MED27: variants seen among roughly 807,000 people sequenced by gnomAD.
MED27 encodes the protein mediator of RNA polymerase II transcription subunit 27.
In MED27, 30 loss-of-function variants were observed where a neutral mutation model predicts 38.2. The observed-to-expected ratio is 0.79, with a 90% CI of 0.59 to 1.07. The LOEUF (loss-of-function observed/expected upper bound fraction) is 1.07. Among genes scored for constraint, MED27 ranks in the 50% least tolerant of loss-of-function variants. The pLI is 0.00. For synonymous variants in MED27, 122 were observed against 153.5 expected (o/e 0.79, Z 1.52); for missense variants, 289 against 397.5 (o/e 0.73, Z 2.32).
At chr9:131,938,751 A>T (rs1178435201) in intron 4 of MED27, among the ~76,000 whole-genome samples, 1 of 150,290 alleles carries the variant, frequency 6.7e-6, no homozygotes, top group Non-Finnish European at 1.5e-5. Flanking sequence ...TTGCTCTGTC[A>T]CCCAGGCTGG....
intron 2 of MED27, among the ~76,000 whole-genome samples, chr9:132,030,933 C>T (rs1832945953): frequency 6.6e-6 from 1 of 152,238 alleles, no homozygotes; most frequent in South Asian, 2.1e-4. Flanking sequence ...GTAAGTGGAA[C>T]AGCACTACCT....
chr9:131,928,164 T>C (rs937494495), intron 4 of MED27, among the ~76,000 whole-genome samples: 4 of 152,202 alleles, frequency 2.6e-5, no homozygotes, highest in Non-Finnish European at 5.9e-5. Context: ...CACTGCAACA[T>C]CAGGTTTCAC....
At chr9:132,042,919 A>G (rs1439696158) in intron 2 of MED27, among the ~76,000 whole-genome samples, 1 of 152,206 alleles carries the variant, frequency 6.6e-6, no homozygotes, top group Admixed American at 6.5e-5. Context: ...TGCCAACTCT[A>G]GCTATGGGAA....
chr9:131,868,699 C>T, intron 6 of MED27: 1 of 985,508 alleles, frequency 1.0e-6, no homozygotes, highest in Non-Finnish European at 1.2e-6. Flanking sequence ...CCTCTGCCCA[C>T]CTCCTACCCA....
intron 4 of MED27, among the ~76,000 whole-genome samples, chr9:131,898,227 T>C (rs1829867194): frequency 6.6e-6 from 1 of 152,014 alleles, no homozygotes; most frequent in Non-Finnish European, 1.5e-5. Flanking sequence ...ATGAAGTTTG[T>C]CAATTCTTAT....
At chr9:132,034,623 C>T (rs1248350880) in intron 2 of MED27, among the ~76,000 whole-genome samples, 1 of 152,154 alleles carries the variant, frequency 6.6e-6, no homozygotes, top group Admixed American at 6.5e-5. Flanking sequence ...GGGTTTCTGA[C>T]ACGGTACCAG....
chr9:131,926,753 G>C (rs901431008), intron 4 of MED27, among the ~76,000 whole-genome samples: 2 of 152,210 alleles, frequency 1.3e-5, no homozygotes, highest in Non-Finnish European at 2.9e-5. Context: ...TTGAAAACAA[G>C]ATGTGTCATT....
intron 6 of MED27, among the ~76,000 whole-genome samples, chr9:131,871,342 T>C (rs1838830615): frequency 6.6e-6 from 1 of 152,204 alleles, no homozygotes; most frequent in South Asian, 2.1e-4. Context: ...AGATAGAGGT[T>C]TGTTCTGTAG....
In MED27 at chr9:131,883,516, G is replaced by A. The variant is rs1367868244; in HGVS notation, c.723+542C>T. Among the ~76,000 whole-genome samples the A allele has an allele frequency of 6.6e-6, 1 of 152,140 alleles. No individual in the cohort carries two copies. The highest frequency in any genetic ancestry group is 2.4e-5 in the African/African-American group (1 of 41,420). On this transcript the variant is annotated intron_variant, in intron 6 of 7. Transcript: ENST00000292035. The surrounding 1 kb of genome is among the most constrained non-coding windows in gnomAD (Gnocchi z 4.2). ...AAGCCCAATATCTGAAAAAGATACA[G>A]TGTCCCCAGAGCACAAAGTGGGGAA...
Position 131,890,604 on chromosome 9 carries a change from T to A in MED27, c.681+3281A>T, listed in dbSNP as rs553289651. Among the ~76,000 whole-genome samples, 229 of 152,324 alleles carry A rather than the reference T, an allele frequency of 1.5e-3. 3 individuals are homozygous for A. The South Asian group carries it at 0.015, about 10-fold the overall frequency. On this transcript the variant is annotated intron_variant, in intron 5 of 7. Coordinates refer to ENST00000292035, the MANE Select transcript of MED27 (RefSeq NM_004269.4). ...CCATTCCAGCTTAAGCATTTTCATA[T>A]CCCAAGTAGGCTTTTTCATCATCTC...
chr9:131,874,253 A>G (rs2131466016), intron 6 of MED27, among the ~76,000 whole-genome samples: 1 of 152,270 alleles, frequency 6.6e-6, no homozygotes, highest in Admixed American at 6.5e-5. Flanking sequence ...GACTCAGCTC[A>G]GGGTCTTCCC....
chr9:131,950,403 C>T (rs978850403), intron 3 of MED27, among the ~76,000 whole-genome samples: 2 of 152,220 alleles, frequency 1.3e-5, no homozygotes, highest in African/African-American at 4.8e-5. Context: ...CTTTCCCTCC[C>T]GTGCCCAGGA....
chr9:131,969,267 G>A (rs1354489058), intron 3 of MED27, among the ~76,000 whole-genome samples: 2 of 151,274 alleles, frequency 1.3e-5, no homozygotes, highest in Non-Finnish European at 2.9e-5. Flanking sequence ...TCTAGAGATT[G>A]TTTACTCAGT....
At chr9:132,020,612 T>C (rs953611330) in intron 2 of MED27, among the ~76,000 whole-genome samples, 1 of 152,216 alleles carries the variant, frequency 6.6e-6, no homozygotes, top group African/African-American at 2.4e-5. Context: ...TACTGAAATA[T>C]GTTTTGTTTC....
intron 3 of MED27, among the ~76,000 whole-genome samples, chr9:131,973,857 G>A (rs1008227088): frequency 3.3e-5 from 5 of 151,196 alleles, no homozygotes; most frequent in East Asian, 3.9e-4. Context: ...ATAGGTGGCC[G>A]CCACCACGCG....
intron 3 of MED27, among the ~76,000 whole-genome samples, chr9:132,004,973 G>A (rs1832326661): frequency 6.6e-6 from 1 of 152,186 alleles, no homozygotes; most frequent in South Asian, 2.1e-4. Flanking sequence ...AGTGGCAACT[G>A]CCCTGGAAGA....
At chr9:132,000,856 G>T (rs551924973) in intron 3 of MED27, among the ~76,000 whole-genome samples, 1 of 151,740 alleles carries the variant, frequency 6.6e-6, no homozygotes, top group South Asian at 2.1e-4. Context: ...AAATTGCTTA[G>T]CTTACAGGCG....
intron 3 of MED27, among the ~76,000 whole-genome samples, chr9:131,985,394 C>T (rs1164415212): frequency 6.6e-6 from 1 of 152,220 alleles, no homozygotes; most frequent in Admixed American, 6.5e-5. Flanking sequence ...AATATTTTTG[C>T]ATTCCCATGT....
At chr9:132,054,739 TG>T (rs1833540005) in intron 2 of MED27, among the ~76,000 whole-genome samples, 1 of 152,124 alleles carries the variant, frequency 6.6e-6, no homozygotes, top group Non-Finnish European at 1.5e-5. Context: ...TCCCCAGCCT[TG>T]GGTATTTCTT....
Sources: allele counts gnomAD v4.1 joint callset (sites outside exome capture counted in the v4.1 genomes callset), GRCh38; gene constraint gnomAD v4.1.1; non-coding constraint Gnocchi (gnomAD v3.1); transcripts MANE v1.5; gene names NCBI Gene and HGNC (gene_info 2026-07-23, HGNC 2026-07-21).